The following EBF1 variants were observed in gnomAD, a reference collection of about 807,000 sequenced individuals.
The protein encoded by EBF1 is transcription factor COE1.
Under a neutral mutation model 68.4 loss-of-function variants are expected in EBF1, and 10 were observed. The observed-to-expected ratio is 0.15, with a 90% CI of 0.09 to 0.25. EBF1 has a LOEUF of 0.25. EBF1 is among the 10% of genes least tolerant of loss of function. The probability of loss-of-function intolerance (pLI) is 1.00; values close to 1 mark genes in which losing one functional copy is unlikely to be tolerated. For missense variants in EBF1, 509 were observed against 794.4 expected (o/e 0.64, Z 4.32); for synonymous variants, 298 against 299.8 (o/e 0.99, Z 0.06).
At chr5:158,790,987 C>A (rs1009331220) in intron 9 of EBF1, among the ~76,000 whole-genome samples, 3 of 152,166 alleles carry the variant, frequency 2.0e-5, no homozygotes, top group Non-Finnish European at 4.4e-5. Flanking sequence ...CCACTGTCCC[C>A]TTCTGACTGT....
intron 9 of EBF1, among the ~76,000 whole-genome samples, chr5:158,784,404 C>A (rs1021386888): frequency 6.6e-6 from 1 of 152,154 alleles, no homozygotes; most frequent in Admixed American, 6.5e-5. Flanking sequence ...GTATCTGCAG[C>A]TTTTCCCATA....
chr5:158,759,496 G>C (rs1402131143), intron 10 of EBF1, among the ~76,000 whole-genome samples: 1 of 150,754 alleles, frequency 6.6e-6, no homozygotes, highest in East Asian at 1.9e-4. Flanking sequence ...AGAGTGGCTG[G>C]GGGATGGGAT....
intron 10 of EBF1, among the ~76,000 whole-genome samples, chr5:158,746,647 G>GA (rs914883419): frequency 1.9e-4 from 28 of 150,434 alleles, no homozygotes; most frequent in South Asian, 6.3e-4. Flanking sequence ...AACCAACAAG[G>GA]AAAAAAAAAG....
chr5:158,995,960 G>A (rs983975648), intron 6 of EBF1, among the ~76,000 whole-genome samples: 3 of 152,152 alleles, frequency 2.0e-5, no homozygotes, highest in Middle Eastern at 3.2e-3. Flanking sequence ...CAATAACGGT[G>A]TCAAGTGCTG....
intron 4 of EBF1, among the ~76,000 whole-genome samples, chr5:159,095,243 G>T (rs527652355): frequency 6.6e-6 from 1 of 151,712 alleles, no homozygotes; most frequent in East Asian, 1.9e-4. Flanking sequence ...TCTGCTTCCC[G>T]GGGAGGCCTG....
chr5:158,816,934 G>A lies in EBF1; in HGVS notation c.778+6242C>T, dbSNP rs150109636. ...TGGTGAGTTTCCAAAGTCCAGCAGCGAAGAGCAAAGTTATAAGTAGGTCTG... is the reference window on the plus strand; with the variant it reads ...TGGTGAGTTTCCAAAGTCCAGCAGCAAAGAGCAAAGTTATAAGTAGGTCTG... On this transcript the variant is annotated intron_variant, in intron 8 of 15. Coordinates refer to ENST00000313708, the MANE Select transcript of EBF1 (RefSeq NM_024007.5). Among the ~76,000 whole-genome samples the A allele has an allele frequency of 4.0e-3, 613 of 152,246 alleles. 8 individuals are homozygous for A. Among genetic ancestry groups the A allele is most frequent in the African/African-American group, 0.014 (586 of 41,530 alleles).
At chr5:158,734,165 G>A (rs1033847408) in intron 10 of EBF1, among the ~76,000 whole-genome samples, 2 of 152,158 alleles carry the variant, frequency 1.3e-5, no homozygotes, top group Non-Finnish European at 2.9e-5. Context: ...AAATATGTCT[G>A]TGTATAAACT....
intron 12 of EBF1, 68 bp downstream of exon 12, chr5:158,714,049 C>T (rs879180386): frequency 2.4e-5 from 36 of 1,524,368 alleles, no homozygotes; most frequent in African/African-American, 4.1e-5. Flanking sequence ...TTTCTCATTA[C>T]GATGAGGAAT....
chr5:158,860,795 T>C (rs1238882365), intron 6 of EBF1, among the ~76,000 whole-genome samples: 1 of 152,174 alleles, frequency 6.6e-6, no homozygotes, highest in East Asian at 1.9e-4. Context: ...TGCATGTGTG[T>C]CTCGGCGCAT....
At position 158,748,332 on chromosome 5, in the gene EBF1, G is replaced by T. The variant is rs527699921; in HGVS notation, c.1037-17175C>A. On this transcript the variant is annotated intron_variant, in intron 10 of 15. Coordinates refer to ENST00000313708, the MANE Select transcript of EBF1 (RefSeq NM_024007.5). Reference sequence around the variant, plus strand: ...CAACTGGCAAGTTTCCCCTCATCAAGTAAGTTGAAAATGGTTATGGAATCC... The same window carrying T: ...CAACTGGCAAGTTTCCCCTCATCAATTAAGTTGAAAATGGTTATGGAATCC... Among the ~76,000 whole-genome samples the T allele has an allele frequency of 2.4e-4, 37 of 152,222 alleles. No homozygotes were observed. In the South Asian group the frequency reaches 7.5e-3, roughly 31 times the overall value.
intron 10 of EBF1, among the ~76,000 whole-genome samples, chr5:158,775,828 A>ACACT (rs1775106411): frequency 7.2e-6 from 1 of 138,250 alleles, no homozygotes; most frequent in Non-Finnish European, 1.6e-5. Flanking sequence ...ACACACACAC[A>ACACT]CTGCTATGTG....
At chr5:158,731,657 G>A (rs991995689) in intron 10 of EBF1, among the ~76,000 whole-genome samples, 1 of 152,198 alleles carries the variant, frequency 6.6e-6, no homozygotes, top group African/African-American at 2.4e-5. Flanking sequence ...AGAGTGAGTA[G>A]AAGTGAATCT....
intron 8 of EBF1, among the ~76,000 whole-genome samples, chr5:158,822,818 G>T (rs186047264): frequency 6.6e-6 from 1 of 152,192 alleles, no homozygotes; most frequent in Admixed American, 6.5e-5. Context: ...ATACCAAATT[G>T]TGTGGCCTTT....
chr5:158,949,776 T>A (rs999013338), intron 6 of EBF1, among the ~76,000 whole-genome samples: 1 of 152,260 alleles, frequency 6.6e-6, no homozygotes, highest in Admixed American at 6.5e-5. Flanking sequence ...AAATGTGCGC[T>A]AAGCCATACA....
intron 14 of EBF1, among the ~76,000 whole-genome samples, chr5:158,709,059 T>A (rs975490909): frequency 6.6e-6 from 1 of 152,192 alleles, no homozygotes; most frequent in African/African-American, 2.4e-5. Context: ...TGGCCTCTCA[T>A]CTTTTGTTCC....
intron 10 of EBF1, among the ~76,000 whole-genome samples, chr5:158,775,710 G>C (rs1275519504): frequency 6.7e-6 from 1 of 148,996 alleles, no homozygotes; most frequent in East Asian, 2.0e-4. Flanking sequence ...GTTTCAATTG[G>C]TCCTTTTCCT....
intron 9 of EBF1, among the ~76,000 whole-genome samples, chr5:158,786,039 C>T (rs781747376): frequency 2.6e-5 from 4 of 152,064 alleles, no homozygotes; most frequent in South Asian, 2.1e-4. Context: ...TATCGTGATG[C>T]CATTAGCCAC....
chr5:158,858,633 C>T (rs796116801), intron 6 of EBF1, among the ~76,000 whole-genome samples: 12 of 152,308 alleles, frequency 7.9e-5, no homozygotes, highest in African/African-American at 2.2e-4. Flanking sequence ...AAATTCTCTC[C>T]TCTGTGCTTC....
At chr5:158,971,049 G>A (rs983368899) in intron 6 of EBF1, among the ~76,000 whole-genome samples, 3 of 152,180 alleles carry the variant, frequency 2.0e-5, no homozygotes, top group Admixed American at 6.5e-5. Context: ...TGAAGAGGGA[G>A]GGGCAATACC....
Sources: gnomAD v4.1 joint callset for allele counts (sites outside exome capture counted in the v4.1 genomes callset) on GRCh38, gnomAD v4.1.1 for gene constraint, MANE v1.5 for transcripts, NCBI Gene and HGNC (gene_info 2026-07-23, HGNC 2026-07-21) for gene names.